The following MRPL30 variants were observed in gnomAD, a reference collection of about 807,000 sequenced individuals.
MRPL30 encodes the protein large ribosomal subunit protein uL30m.
A neutral mutation model predicts 17.2 loss-of-function variants in MRPL30; 10 were observed. That is an observed-to-expected ratio of 0.58 (90% confidence interval 0.36 to 0.99). The LOEUF (loss-of-function observed/expected upper bound fraction) is 0.99. MRPL30 is among the 50% of genes least tolerant of loss of function. MRPL30 has a pLI of 0.01. For synonymous variants in MRPL30, 61 were observed against 62.1 expected (o/e 0.98, Z 0.08); for missense variants, 170 against 189.8 (o/e 0.90, Z 0.61).
chr2:99,195,072 T>G, intron 4 of MRPL30, 44 bp from the exon 5 acceptor site: 1 of 1,503,024 alleles, frequency 6.7e-7, no homozygotes, highest in Non-Finnish European at 9.0e-7. Flanking sequence ...TGGAACTATC[T>G]GCTTTTCAGA....
intron 1 of MRPL30, among the ~76,000 whole-genome samples, chr2:99,185,221 C>A (rs1469898385): frequency 6.6e-6 from 1 of 152,192 alleles, no homozygotes; most frequent in African/African-American, 2.4e-5. Flanking sequence ...CCACCCCTCC[C>A]TATCTGTGGA....
chr2:99,182,418 C>A (rs1437905586), intron 1 of MRPL30, among the ~76,000 whole-genome samples: 1 of 152,074 alleles, frequency 6.6e-6, no homozygotes. Context: ...AGCCGGGCGT[C>A]CGGGCGGGCG....
At chr2:99,195,280 A>G in intron 5 of MRPL30, 91 bp downstream of exon 5, 1 of 1,313,248 alleles carries the variant, frequency 7.6e-7, no homozygotes, top group Non-Finnish European at 1.0e-6. Context: ...TCTGAAAAAA[A>G]CTTTTTAAAA....
chr2:99,185,634 TCTA>T (rs1276370499), intron 1 of MRPL30: 2 of 290,432 alleles, frequency 6.9e-6, no homozygotes, highest in Admixed American at 4.5e-5. Context: ...CAAAAAAAAT[TCTA>T]CTTTTTAACA....
intron 1 of MRPL30, among the ~76,000 whole-genome samples, chr2:99,184,385 C>T (rs550127359): frequency 6.6e-6 from 1 of 152,114 alleles, no homozygotes; most frequent in Non-Finnish European, 1.5e-5. Context: ...AGAGCTAGCC[C>T]ATGTATATAT....
Position 99,195,199 on chromosome 2 carries a change from T to A in MRPL30, c.353+10T>A. The stretch of plus-strand genomic sequence containing the variant: ...TTAAGCATTTGATAAGGTTTGTTGT[T>A]TCTTCTCAGCTCTTTTTAAAATGTA... On this transcript the variant is annotated intron_variant, in intron 5 of 5. Transcript: ENST00000338148. 6.3e-7 allele frequency: 1 copy of A among 1,594,838 alleles called. No homozygotes were observed. The highest frequency in any genetic ancestry group is 8.6e-7 in the Non-Finnish European group (1 of 1,166,736).
chr2:99,184,834 C>G (rs575453665), intron 1 of MRPL30, among the ~76,000 whole-genome samples: 1 of 152,320 alleles, frequency 6.6e-6, no homozygotes, highest in East Asian at 1.9e-4. Flanking sequence ...TGCGTTGATT[C>G]TCACAGTTCC....
intron 3 of MRPL30, among the ~76,000 whole-genome samples, chr2:99,191,384 T>C (rs1015823192): frequency 6.6e-6 from 1 of 152,316 alleles, no homozygotes; most frequent in African/African-American, 2.4e-5. Flanking sequence ...GGATAACTTA[T>C]AGGTATTTCA....
intron 1 of MRPL30, among the ~76,000 whole-genome samples, chr2:99,184,011 G>C (rs990369422): frequency 2.6e-5 from 4 of 152,062 alleles, no homozygotes; most frequent in Non-Finnish European, 5.9e-5. Context: ...AAATTATTTG[G>C]AATTCTTCTG....
intron 1 of MRPL30, among the ~76,000 whole-genome samples, chr2:99,181,463 C>G (rs1363986110): frequency 6.6e-6 from 1 of 152,148 alleles, no homozygotes; most frequent in African/African-American, 2.4e-5. Context: ...TCCAGGGCCA[C>G]GCGGCTTTTT....
In MRPL30 at chr2:99,194,851, G is replaced by C; in HGVS notation, c.233G>C (p.Arg78Pro). ...ACCAGAATAAAAAGTACAAGAAGAC[G>C]TCCATATTGGGAAAAAGATATAATA... is the stretch of plus-strand genomic sequence containing the variant. ...IVTRIKSTRR[R>P]PYWEKDIIKM... The change falls in exon 4 of 6, where the codon CGT (arginine) becomes CCT (proline). Residue 78 changes from arginine (R) to proline (P), a missense_variant. Coordinates refer to ENST00000338148, the MANE Select transcript of MRPL30 (RefSeq NM_145212.4). The C allele has an allele frequency of 6.3e-7, 1 of 1,587,236 alleles. No individual in the cohort carries two copies. Among genetic ancestry groups the C allele is most frequent in the Non-Finnish European group, 8.5e-7 (1 of 1,169,602 alleles).
chr2:99,199,535 AAAAT>A lies in MRPL30; in HGVS notation c.*3834_*3837del, dbSNP rs2093960032. On this transcript the variant is annotated 3_prime_UTR_variant, in exon 6 of 6. Transcript: ENST00000338148. ...GACATGAAATAAGTGCTCAAGAAGA[AAAAT>A]AAACAATTCTTCATTTCCTGTTCTC... 6.6e-6 allele frequency among the ~76,000 whole-genome samples: 1 copy of A among 152,232 alleles called. No homozygotes were observed. The highest frequency in any genetic ancestry group is 1.5e-5 in the Non-Finnish European group (1 of 68,040).
chr2:99,194,155 C>G (rs562350875), intron 3 of MRPL30, among the ~76,000 whole-genome samples: 1 of 152,112 alleles, frequency 6.6e-6, no homozygotes, highest in African/African-American at 2.4e-5. Flanking sequence ...CACGGGTTGC[C>G]TTTAAACTTT....
Position 99,190,080 on chromosome 2 carries a change from G to T in MRPL30, c.132+1823G>T, listed in dbSNP as rs143982465. ...GTTAAGGCTGCAGTGACCTATAATT[G>T]TGCCACTGCACTCCAGCCTGGACAA... On this transcript the variant is annotated intron_variant, in intron 3 of 5. Transcript: ENST00000338148. Among the ~76,000 whole-genome samples, 1,320 of 152,010 alleles carry T rather than the reference G, an allele frequency of 8.7e-3. 18 individuals carry two copies. Among genetic ancestry groups the T allele is most frequent in the African/African-American group, 0.03 (1,245 of 41,446 alleles).
At chr2:99,194,398 A>C (rs1454781013) in intron 3 of MRPL30, among the ~76,000 whole-genome samples, 1 of 152,060 alleles carries the variant, frequency 6.6e-6, no homozygotes, top group Non-Finnish European at 1.5e-5. Context: ...TTTTATTTTC[A>C]TTTTTAATTT....
intron 1 of MRPL30, among the ~76,000 whole-genome samples, chr2:99,185,951 G>C (rs1429617861): frequency 1.3e-5 from 2 of 152,188 alleles, no homozygotes; most frequent in African/African-American, 4.8e-5. Flanking sequence ...ATCTAGGACT[G>C]ACTCATTTGA....
At chr2:99,195,347 T>C (rs1404040102) in intron 5 of MRPL30, 158 bp downstream of exon 5, 1 of 780,712 alleles carries the variant, frequency 1.3e-6, no homozygotes, top group Non-Finnish European at 2.0e-6. Context: ...TACATATTTA[T>C]GGGGTACATA....
intron 3 of MRPL30, among the ~76,000 whole-genome samples, chr2:99,189,222 A>G (rs761480486): frequency 2.6e-5 from 4 of 152,188 alleles, no homozygotes; most frequent in Non-Finnish European, 4.4e-5. Context: ...CAAATGCATA[A>G]TGTCATGTAT....
At chr2:99,192,394 A>C (rs1268765418) in intron 3 of MRPL30, among the ~76,000 whole-genome samples, 2 of 152,148 alleles carry the variant, frequency 1.3e-5, no homozygotes, top group Non-Finnish European at 2.9e-5. Flanking sequence ...CCCTACATGC[A>C]TTAGGTGTTT....
Sources: allele counts gnomAD v4.1 joint callset (sites outside exome capture counted in the v4.1 genomes callset), GRCh38; gene constraint gnomAD v4.1.1; transcripts MANE v1.5; gene names NCBI Gene and HGNC (gene_info 2026-07-23, HGNC 2026-07-21).